The following CAMTA1 variants were observed in gnomAD, a reference collection of about 807,000 sequenced individuals.
The protein encoded by CAMTA1 is calmodulin binding transcription activator 1.
In CAMTA1, 27 loss-of-function variants were observed where a neutral mutation model predicts 170.9. That is an observed-to-expected ratio of 0.16 (90% confidence interval 0.12 to 0.22). The LOEUF (loss-of-function observed/expected upper bound fraction) is 0.22, where lower values mean the gene tolerates loss of function less well. Among genes scored for constraint, CAMTA1 ranks in the 10% least tolerant of loss-of-function variants. The pLI, the probability that CAMTA1 is intolerant of heterozygous loss-of-function variation, is 1.00. For synonymous variants in CAMTA1, 833 were observed against 891.5 expected, an observed-to-expected ratio of 0.93 and a Z score of 1.17; for missense variants, 1,619 against 2,217.2, an observed-to-expected ratio of 0.73 and a Z score of 5.42.
At chr1:7,393,687 A>G (rs1242846674) in intron 5 of CAMTA1, among the ~76,000 whole-genome samples, 2 of 152,230 alleles carry the variant, frequency 1.3e-5, no homozygotes, top group Non-Finnish European at 2.9e-5. Context: ...CCTCACACAT[A>G]TACCATTTCT....
At chr1:7,658,623 G>A (rs945518290) in intron 7 of CAMTA1, among the ~76,000 whole-genome samples, 2 of 152,150 alleles carry the variant, frequency 1.3e-5, no homozygotes, top group African/African-American at 4.8e-5. Flanking sequence ...TGTAAAATGA[G>A]TCTGGAAATG....
intron 5 of CAMTA1, among the ~76,000 whole-genome samples, chr1:7,345,658 C>G (rs1189422031): frequency 6.6e-6 from 1 of 152,186 alleles, no homozygotes; most frequent in Non-Finnish European, 1.5e-5. Context: ...AAACTCATGC[C>G]AGAGTTTGAG....
intron 3 of CAMTA1, among the ~76,000 whole-genome samples, chr1:7,006,765 C>G (rs1368193705): frequency 6.6e-6 from 1 of 152,184 alleles, no homozygotes; most frequent in Non-Finnish European, 1.5e-5. Context: ...GCTGGAGCCT[C>G]TCTCCATCTG....
At position 7,681,540 on chromosome 1, in the gene CAMTA1, G is replaced by A. The variant is rs1442437487; in HGVS notation, c.2914+3807G>A. ...GTCCTGACCTGACCCCAGGCCATTTGCACAGGACCCCAGGGAGGTCTGAGC... is the reference window on the plus strand; with the variant it reads ...GTCCTGACCTGACCCCAGGCCATTTACACAGGACCCCAGGGAGGTCTGAGC... On this transcript the variant is annotated intron_variant, in intron 11 of 22. Transcript: ENST00000303635. This position sits in a 1 kb window ranked among gnomAD's most constrained non-coding sequence, Gnocchi z 4.6. Among the ~76,000 whole-genome samples the A allele has an allele frequency of 6.6e-6, 1 of 152,208 alleles. No individual in the cohort carries two copies. The highest frequency in any genetic ancestry group is 1.5e-5 in the Non-Finnish European group (1 of 68,042).
At chr1:7,110,552 A>G (rs1643964778) in intron 4 of CAMTA1, among the ~76,000 whole-genome samples, 1 of 152,136 alleles carries the variant, frequency 6.6e-6, no homozygotes, top group Non-Finnish European at 1.5e-5. Flanking sequence ...GCTACGGGGG[A>G]GAGTGAGTGC....
chr1:7,391,131 G>A lies in CAMTA1; in HGVS notation c.439-76699G>A, dbSNP rs770083277. On this transcript the variant is annotated intron_variant, in intron 5 of 22. Transcript: ENST00000303635. ...TCCTGCCTCAGCCTCCCGAGTAGCC[G>A]GGATTACAGGCATGTGCCACCATGC... Among the ~76,000 whole-genome samples the A allele has an allele frequency of 4.6e-5, 7 of 152,224 alleles. No homozygotes were observed. In the South Asian group the frequency reaches 1.2e-3, roughly 27 times the overall value.
chr1:7,289,641 T>C (rs1250029038), intron 5 of CAMTA1, among the ~76,000 whole-genome samples: 2 of 152,276 alleles, frequency 1.3e-5, no homozygotes, highest in South Asian at 4.2e-4. Context: ...TAATTAATCA[T>C]ATTAAGTGAG....
At chr1:6,960,335 C>G (rs1557888052) in intron 3 of CAMTA1, among the ~76,000 whole-genome samples, 2 of 152,114 alleles carry the variant, frequency 1.3e-5, no homozygotes, top group Non-Finnish European at 2.9e-5. Flanking sequence ...AAACAGAGGC[C>G]TGGCCTGGGC....
chr1:7,265,506 G>T (rs1668787468), intron 5 of CAMTA1, among the ~76,000 whole-genome samples: 1 of 152,172 alleles, frequency 6.6e-6, no homozygotes, highest in African/African-American at 2.4e-5. Flanking sequence ...TAAAGACAGG[G>T]TTTCGCCATG....
rs775717606 is a variant in CAMTA1 at position 7,456,115 on chromosome 1, A to C, written c.439-11715A>C. On this transcript the variant is annotated intron_variant, in intron 5 of 22. Transcript: ENST00000303635. This position sits in a 1 kb window ranked among gnomAD's most constrained non-coding sequence, Gnocchi z 4.9. The stretch of plus-strand genomic sequence containing the variant: ...GATCCCTTGTGCTTAATGCAGGCAG[A>C]CCTGGTGAAGGGTGAGGGGGTACCC... Among the ~76,000 whole-genome samples, 1 of 151,520 alleles carries C rather than the reference A, an allele frequency of 6.6e-6. No homozygotes were observed. Among genetic ancestry groups the C allele is most frequent in the Non-Finnish European group, 1.5e-5 (1 of 67,902 alleles).
intron 6 of CAMTA1, among the ~76,000 whole-genome samples, chr1:7,604,320 A>G (rs184072490): frequency 8.5e-5 from 13 of 152,318 alleles, no homozygotes; most frequent in Admixed American, 7.8e-4. Flanking sequence ...AGGTACACAA[A>G]TCAGACGTAG....
At chr1:6,941,590 G>A (rs1210422917) in intron 3 of CAMTA1, among the ~76,000 whole-genome samples, 1 of 152,234 alleles carries the variant, frequency 6.6e-6, no homozygotes, top group Non-Finnish European at 1.5e-5. Flanking sequence ...GTGTTAATGA[G>A]CAGGTTAGCG....
intron 11 of CAMTA1, among the ~76,000 whole-genome samples, chr1:7,710,914 C>T (rs999956687): frequency 2.6e-5 from 4 of 152,108 alleles, no homozygotes; most frequent in Non-Finnish European, 5.9e-5. Flanking sequence ...TCTTGAGTCA[C>T]GTGTCTAATC....
chr1:7,566,879 C>A (rs116798773), intron 6 of CAMTA1, among the ~76,000 whole-genome samples: 3 of 152,232 alleles, frequency 2.0e-5, no homozygotes, highest in Admixed American at 6.5e-5. Context: ...CCGAGCACCC[C>A]CTCTGTGCCC....
intron 6 of CAMTA1, among the ~76,000 whole-genome samples, chr1:7,579,642 C>G (rs1025998696): frequency 6.7e-6 from 1 of 148,942 alleles, no homozygotes; most frequent in African/African-American, 2.5e-5. Context: ...TCACTGCAAC[C>G]TCCGCCTCAC....
intron 3 of CAMTA1, among the ~76,000 whole-genome samples, chr1:7,036,986 G>C (rs754814623): frequency 6.6e-6 from 1 of 152,170 alleles, no homozygotes; most frequent in African/African-American, 2.4e-5. Context: ...GCCTGCTATA[G>C]GAAGACTTCT....
At position 7,293,875 on chromosome 1, in the gene CAMTA1, G is replaced by A. The variant is rs1209109456; in HGVS notation, c.438+44249G>A. ...GGGGGCCTCTTTGGAGCCTGTTGGA[G>A]GAGATTTTGTAGTAATGAGCATTTG... On this transcript the variant is annotated intron_variant, in intron 5 of 22. Coordinates refer to ENST00000303635, the MANE Select transcript of CAMTA1 (RefSeq NM_015215.4). The surrounding 1 kb of genome is among the most constrained non-coding windows in gnomAD (Gnocchi z 4.1). 6.6e-6 allele frequency among the ~76,000 whole-genome samples: 1 copy of A among 152,238 alleles called. No individual in the cohort carries two copies. The highest frequency in any genetic ancestry group is 1.9e-4 in the East Asian group (1 of 5,194).
intron 3 of CAMTA1, among the ~76,000 whole-genome samples, chr1:6,979,816 G>GC (rs1431238859): frequency 6.6e-6 from 1 of 151,232 alleles, no homozygotes; most frequent in East Asian, 1.9e-4. Context: ...AGGACCCCCG[G>GC]CACCCGGGAC....
chr1:7,587,814 C>T (rs2095323650), intron 6 of CAMTA1, among the ~76,000 whole-genome samples: 1 of 152,070 alleles, frequency 6.6e-6, no homozygotes, highest in African/African-American at 2.4e-5. Flanking sequence ...GCACCCCTTC[C>T]CCATGGGAGG....
Sources: allele counts gnomAD v4.1 joint callset (sites outside exome capture counted in the v4.1 genomes callset), GRCh38; gene constraint gnomAD v4.1.1; non-coding constraint Gnocchi (gnomAD v3.1); transcripts MANE v1.5; gene names NCBI Gene and HGNC (gene_info 2026-07-23, HGNC 2026-07-21).